The following ARPC2 variants were observed in gnomAD, a reference collection of about 807,000 sequenced individuals.
ARPC2 encodes actin related protein 2/3 complex subunit 2.
In ARPC2, 4 loss-of-function variants were observed where a neutral mutation model predicts 38.6. The ratio of observed to expected loss-of-function variants is 0.10; its 90% CI spans 0.05 to 0.24. The LOEUF (loss-of-function observed/expected upper bound fraction) is 0.24. ARPC2 is among the 10% of genes least tolerant of loss of function. The probability of loss-of-function intolerance (pLI) is 1.00; values close to 1 mark genes in which losing one functional copy is unlikely to be tolerated. For synonymous variants in ARPC2, 125 were observed against 140.8 expected, an observed-to-expected ratio of 0.89 and a Z score of 0.79; for missense variants, 229 against 387.3, an observed-to-expected ratio of 0.59 and a Z score of 3.43.
At chr2:218,234,781 A>G (rs1689729126) in intron 5 of ARPC2, 1 of 464,556 alleles carries the variant, frequency 2.2e-6, no homozygotes, top group African/African-American at 2.0e-5. Flanking sequence ...TTGGAGAAAG[A>G]AGAGGAATAT....
At chr2:218,221,938 A>C (rs1380660489) in intron 2 of ARPC2, among the ~76,000 whole-genome samples, 5 of 152,186 alleles carry the variant, frequency 3.3e-5, no homozygotes, top group Non-Finnish European at 7.3e-5. Context: ...TCAGGACATA[A>C]GAAGGGATAA....
At chr2:218,245,317 G>A (rs1156970723) in intron 7 of ARPC2, 103 bp from the exon 8 acceptor site, 1 of 1,445,446 alleles carries the variant, frequency 6.9e-7, no homozygotes, top group African/African-American at 1.4e-5. Flanking sequence ...TGCTGGTCTG[G>A]AGGGCTACAA....
chr2:218,230,817 A>G (rs939965503), intron 4 of ARPC2, among the ~76,000 whole-genome samples: 11 of 152,106 alleles, frequency 7.2e-5, no homozygotes, highest in African/African-American at 2.4e-4. Flanking sequence ...CAGGAGTTCA[A>G]GTCCAGCCTG....
In ARPC2 at chr2:218,217,515, C is replaced by G. The variant is rs1689280623; in HGVS notation, c.45C>G (p.Leu15=). 6.2e-7 allele frequency: 1 copy of G among 1,613,674 alleles called. No individual in the cohort carries two copies. Among genetic ancestry groups the G allele is most frequent in the South Asian group, 1.1e-5 (1 of 91,048 alleles). The change falls in exon 2 of 11, where the codon CTC becomes CTG. Residue 15 remains leucine, a synonymous_variant. Transcript: ENST00000315717. The stretch of plus-strand genomic sequence containing the variant: ...ACAACCGCATCATCGAGGAGACGCT[C>G]GCGCTCAAGTTCGAGAACGCGGCCG... ...EVNNRIIEET[L]ALKFENAAAG...
rs774270199 is a variant in ARPC2, at chr2:218,238,732, G to A, written c.337G>A (p.Ala113Thr). 4 of 1,613,572 alleles carry A rather than the reference G, an allele frequency of 2.5e-6. No homozygotes were observed. The highest frequency in any genetic ancestry group is 3.4e-6 in the Non-Finnish European group (4 of 1,179,934). Residue 113 changes from alanine to threonine, a missense_variant, in exon 6 of 11, where the codon GCT (alanine) becomes ACT (threonine). By Grantham distance (58) the Ala-to-Thr change is moderately conservative (BLOSUM62 0). Around this residue, in one of 3 missense-constraint regions of ARPC2, gnomAD observed 135 missense variants for 214.1 expected, o/e 0.63. Coordinates refer to ENST00000315717, the MANE Select transcript of ARPC2 (RefSeq NM_152862.3). Reference sequence around the variant, plus strand: ...ATCCAAGGATTCCATTGTGCATCAAGCTGGCATGTTGAAGCGAAATTGTTT... The same window carrying A: ...ATCCAAGGATTCCATTGTGCATCAAACTGGCATGTTGAAGCGAAATTGTTT... ...PASKDSIVHQ[A>T]GMLKRNCFAS...
rs774147455 is a variant in ARPC2 at position 218,238,811 on chromosome 2, A to G, written c.416A>G (p.Glu139Gly). ...TTCCAAGAAGAGGGCAAGGAAGGAG[A>G]GAACAGGGCAGTTATCCATTATAGG... Reference protein sequence around the residue: ...FQFQEEGKEGENRAVIHYRDD... With the variant: ...FQFQEEGKEGGNRAVIHYRDD... Residue 139 changes from glutamate (E) to glycine (G), a missense_variant, in exon 6 of 11, where the codon GAG becomes GGG. By Grantham distance (98) the Glu-to-Gly change is moderately conservative. Coordinates refer to ENST00000315717, the MANE Select transcript of ARPC2 (RefSeq NM_152862.3). 1.9e-6 allele frequency: 3 copies of G among 1,614,010 alleles called. No individual in the cohort carries two copies. The highest frequency in any genetic ancestry group is 2.5e-6 in the Non-Finnish European group (3 of 1,179,956).
At position 218,253,980 on chromosome 2, in the gene ARPC2, G is replaced by A. The variant is rs779013233; in HGVS notation, c.*65G>A. ...CTGGAACACTTGCTACTGGATAATCGTAGCTTTTAATGTTGCGCCTCTTCA... is the reference window on the plus strand; with the variant it reads ...CTGGAACACTTGCTACTGGATAATCATAGCTTTTAATGTTGCGCCTCTTCA... On this transcript the variant is annotated 3_prime_UTR_variant, in exon 11 of 11. Transcript: ENST00000315717. 19 of 1,601,064 alleles carry A rather than the reference G, an allele frequency of 1.2e-5. No homozygotes were observed. The highest frequency in any genetic ancestry group is 8.4e-5 in the Admixed American group (5 of 59,582).
chr2:218,230,286 T>C (rs1049675023), intron 4 of ARPC2, among the ~76,000 whole-genome samples: 16 of 137,684 alleles, frequency 1.2e-4, no homozygotes, highest in Admixed American at 7.4e-5. Flanking sequence ...CTTTTTTTTT[T>C]CTTTTTTTTT....
rs1689846308 is a variant in ARPC2, at chr2:218,239,053, G to A, written c.455+203G>A. The A allele has an allele frequency of 1.6e-5, 9 of 570,104 alleles. 1 individual carries two copies. The South Asian group carries it at 2.2e-4, about 14-fold the overall frequency. The allele number at this position is 570,104 out of a possible 1,614,324, so 35.3% of individuals were successfully genotyped here. A position where few individuals can be genotyped will look rare whatever the true frequency, so the allele number is the denominator to read the frequency against. On this transcript the variant is annotated intron_variant, in intron 6 of 10. Transcript: ENST00000315717. The stretch of plus-strand genomic sequence containing the variant: ...TCCAGATACTGAGAGCTGACAGATG[G>A]TGGAAAGAGAATCCAGTGCTTTCCT...
intron 7 of ARPC2, among the ~76,000 whole-genome samples, chr2:218,244,660 TAGG>T (rs1689990001): frequency 6.6e-6 from 1 of 152,214 alleles, no homozygotes; most frequent in African/African-American, 2.4e-5. Flanking sequence ...GAGATGGTAT[TAGG>T]AGGCAGTATT....
intron 7 of ARPC2, 38 bp downstream of exon 7, chr2:218,239,522 C>G: frequency 6.7e-7 from 1 of 1,487,712 alleles, no homozygotes; most frequent in East Asian, 2.3e-5. Context: ...CCATGCATGG[C>G]GACTTATACC....
At chr2:218,226,626 C>CAAAAAAAAAAA (rs34789459) in intron 3 of ARPC2, among the ~76,000 whole-genome samples, 1 of 61,462 alleles carries the variant, frequency 1.6e-5, no homozygotes, top group Non-Finnish European at 2.8e-5. Context: ...GACTCCATCT[C>CAAAAAAAAAAA]AAAAAAAAAA....
intron 2 of ARPC2, among the ~76,000 whole-genome samples, chr2:218,225,458 C>T (rs1434382817): frequency 6.6e-6 from 1 of 152,122 alleles, no homozygotes; most frequent in Non-Finnish European, 1.5e-5. Context: ...TAGAACTTGC[C>T]GTTTTGTTTA....
chr2:218,244,728 A>G (rs1469263022), intron 7 of ARPC2, among the ~76,000 whole-genome samples: 1 of 152,242 alleles, frequency 6.6e-6, no homozygotes, highest in African/African-American at 2.4e-5. Flanking sequence ...ATGCCTTCAG[A>G]ACTCCTAAAA....
intron 5 of ARPC2, among the ~76,000 whole-genome samples, chr2:218,236,989 A>G (rs776186241): frequency 5.3e-5 from 8 of 152,144 alleles, no homozygotes; most frequent in Non-Finnish European, 1.2e-4. Context: ...ACACTTATTA[A>G]TCATTTGATT....
At chr2:218,252,502 G>A (rs983808784) in intron 10 of ARPC2, among the ~76,000 whole-genome samples, 12 of 152,078 alleles carry the variant, frequency 7.9e-5, no homozygotes, top group East Asian at 1.9e-4. Context: ...TTTTCTCACC[G>A]GGTACTTGTT....
rs1690019295 is a variant in ARPC2, at chr2:218,245,899, T to G, written c.676+353T>G. On this transcript the variant is annotated intron_variant, in intron 8 of 10. Transcript: ENST00000315717. The stretch of plus-strand genomic sequence containing the variant: ...GTAGGAGACGTCCTTAGGTTGCTGG[T>G]TCGATTCCAGCTTGAAGGAGACAAG... Among the ~76,000 whole-genome samples the G allele has an allele frequency of 5.3e-5, 8 of 152,220 alleles. No individual in the cohort carries two copies. In the South Asian group the frequency reaches 1.7e-3, roughly 32 times the overall value.
intron 2 of ARPC2, among the ~76,000 whole-genome samples, chr2:218,222,248 C>G (rs1268769109): frequency 6.6e-6 from 1 of 151,994 alleles, no homozygotes; most frequent in Non-Finnish European, 1.5e-5. Context: ...GCCTGGGTGA[C>G]AGAGCGAGAC....
chr2:218,219,013 G>C (rs1364038639), intron 2 of ARPC2, among the ~76,000 whole-genome samples: 1 of 152,120 alleles, frequency 6.6e-6, no homozygotes, highest in Non-Finnish European at 1.5e-5. Context: ...TTTTTTCTGA[G>C]CAGTGTAACA....
Sources: gnomAD v4.1 joint callset for allele counts (sites outside exome capture counted in the v4.1 genomes callset) on GRCh38, gnomAD v4.1.1 for gene constraint, gnomAD v4.1.1 regional missense constraint, MANE v1.5 for transcripts, NCBI Gene and HGNC (gene_info 2026-07-23, HGNC 2026-07-21) for gene names.